The following ARFGAP2 variants were observed in gnomAD, a reference collection of about 807,000 sequenced individuals.
ARFGAP2 encodes ARF GTPase activating protein 2.
ARFGAP2 carries 45 observed loss-of-function variants against 71.9 expected under a neutral mutation model. That is an observed-to-expected ratio of 0.63 (90% CI 0.49 to 0.80). The LOEUF is 0.80. Ranked by LOEUF, ARFGAP2 falls within the 30% of genes least tolerant of loss-of-function variation. The pLI is 0.00. For missense variants in ARFGAP2, 633 were observed against 673.9 expected (o/e 0.94, Z 0.67); for synonymous variants, 248 against 249.2 (o/e 1.00, Z 0.05).
In ARFGAP2 at chr11:47,168,218, C is replaced by T. The variant is rs777346898; in HGVS notation, c.975G>A (p.Gln325=). The change falls in exon 11 of 16, where the codon CAG becomes CAA. Residue 325 remains glutamine (Q), a synonymous_variant. Coordinates refer to ENST00000524782, the MANE Select transcript of ARFGAP2 (RefSeq NM_032389.6). ...SVSHSVLSEM[Q]VIEQETPVSA... ...TCACTGGGGTTTCCTGCTCAATCAC[C>T]TGCATCTCAGACAGCACGGAGTGGG... 1 of 1,614,248 alleles carries T rather than the reference C, an allele frequency of 6.2e-7. No individual in the cohort carries two copies. Among genetic ancestry groups the T allele is most frequent in the African/African-American group, 1.3e-5 (1 of 75,064 alleles).
At chr11:47,172,642 A>G (rs1952649406) in intron 7 of ARFGAP2, 3 of 1,328,086 alleles carry the variant, frequency 2.3e-6, no homozygotes, top group Non-Finnish European at 3.0e-6. Context: ...TATGGTGAGC[A>G]CCAGGCTCCG....
chr11:47,170,864 T>C (rs1247773144), intron 10 of ARFGAP2, among the ~76,000 whole-genome samples: 1 of 152,108 alleles, frequency 6.6e-6, no homozygotes, highest in East Asian at 1.9e-4. Context: ...AAGGATCACC[T>C]GAGCCCAGGA....
intron 5 of ARFGAP2, 102 bp downstream of exon 5, chr11:47,174,913 A>G: frequency 1.5e-6 from 2 of 1,299,628 alleles, no homozygotes; most frequent in East Asian, 2.3e-5. Context: ...AAGACATCAC[A>G]TCAAAGCAAA....
At chr11:47,172,861 G>T in intron 7 of ARFGAP2, 1 of 1,028,680 alleles carries the variant, frequency 9.7e-7, no homozygotes, top group Non-Finnish European at 1.3e-6. Flanking sequence ...AGCTATGCCA[G>T]CCTTCTCATG....
intron 10 of ARFGAP2, among the ~76,000 whole-genome samples, chr11:47,171,017 G>A (rs1211878041): frequency 6.6e-6 from 1 of 152,082 alleles, no homozygotes; most frequent in Non-Finnish European, 1.5e-5. Flanking sequence ...CAAACTGAGG[G>A]CATTTGAAAT....
Position 47,173,791 on chromosome 11 carries a change from G to T in ARFGAP2, c.530C>A (p.Pro177Gln), listed in dbSNP as rs767150482. 8 of 1,605,594 alleles carry T rather than the reference G, an allele frequency of 5.0e-6. No homozygotes were observed. In the African/African-American group the frequency reaches 9.4e-5, roughly 19 times the overall value. Residue 177 changes from proline to glutamine, a missense_variant, in exon 6 of 16, where the codon CCA (proline) becomes CAA (glutamine). Transcript: ENST00000524782. ...GCCACTGCTCTCTGTAGACGGGGCT[G>T]GCTGCTGGGTCCCTGAAGGCTCAGT... The part of the protein sequence containing the change: ...PATEPSGTQQ[P>Q]APSTESSGLA...
intron 7 of ARFGAP2, chr11:47,172,579 C>T: frequency 8.5e-7 from 1 of 1,179,026 alleles, no homozygotes; most frequent in East Asian, 3.1e-5. Context: ...GTCCGAAGCA[C>T]CAGAGACGTC....
At chr11:47,174,316 AG>A (rs1952710928) in intron 5 of ARFGAP2, 1 of 160,262 alleles carries the variant, frequency 6.2e-6, no homozygotes, top group Non-Finnish European at 1.4e-5. Flanking sequence ...CCCTCCTCAA[AG>A]GGGTGGGGCG....
intron 8 of ARFGAP2, 46 bp downstream of exon 8, chr11:47,172,235 G>T: frequency 6.3e-7 from 1 of 1,591,362 alleles, no homozygotes; most frequent in Non-Finnish European, 8.6e-7. Context: ...CAGGTAGCCT[G>T]CACCCAGCTC....
At chr11:47,171,864 A>G in intron 8 of ARFGAP2, 64 bp from the exon 9 acceptor site, 1 of 1,589,702 alleles carries the variant, frequency 6.3e-7, no homozygotes, top group East Asian at 2.2e-5. Flanking sequence ...TCCCAGGTTC[A>G]GGCACTGTAG....
intron 8 of ARFGAP2, 192 bp from the exon 9 acceptor site, chr11:47,171,992 C>A: frequency 1.1e-6 from 1 of 886,518 alleles, no homozygotes; most frequent in Non-Finnish European, 1.7e-6. Context: ...CACACAGCCC[C>A]AGCAGAGCCC....
Position 47,176,652 on chromosome 11 carries a change from T to C in ARFGAP2, c.73-18A>G. The C allele has an allele frequency of 6.2e-7, 1 of 1,613,764 alleles. No individual in the cohort carries two copies. The highest frequency in any genetic ancestry group is 1.3e-5 in the African/African-American group (1 of 75,046). ...AAACAGGCCTGGGTGGAGGCGGCGA[T>C]GAGCGAATCGTCAGGGGCCCCGAGT... On this transcript the variant is annotated intron_variant, in intron 1 of 15. Coordinates refer to ENST00000524782, the MANE Select transcript of ARFGAP2 (RefSeq NM_032389.6).
rs781040659 is a variant in ARFGAP2 at position 47,173,397 on chromosome 11, AC to A, written c.619+28del. ...ATTTGAGGTCCACCCTCTCCCAGAC[AC>A]CCCACGCCTGCCCGCTGGCATACTG... On this transcript the variant is annotated intron_variant, in intron 7 of 15. Coordinates refer to ENST00000524782, the MANE Select transcript of ARFGAP2 (RefSeq NM_032389.6). The A allele has an allele frequency of 2.6e-6, 4 of 1,551,672 alleles. No individual in the cohort carries two copies. In the South Asian group the frequency reaches 4.8e-5, roughly 18 times the overall value.
intron 15 of ARFGAP2, among the ~76,000 whole-genome samples, chr11:47,165,925 T>G (rs1214841946): frequency 6.6e-6 from 1 of 151,838 alleles, no homozygotes; most frequent in African/African-American, 2.4e-5. Flanking sequence ...CAGACTGGAG[T>G]GCAGTGGCAT....
Position 47,171,959 on chromosome 11 carries a change from G to A in ARFGAP2, c.673-159C>T, listed in dbSNP as rs191616354. 148 of 1,136,304 alleles carry A rather than the reference G, an allele frequency of 1.3e-4. No homozygotes were observed. The African/African-American group carries it at 2.1e-3, about 16-fold the overall frequency. 70.4% of individuals were successfully genotyped at this position (1,136,304 alleles called of 1,614,324 possible). ...AGCATGGCCAAGACAATAGTGCTCC[G>A]CTGGAGCTGGGCATGGGCGGCTCAC... On this transcript the variant is annotated intron_variant, in intron 8 of 15. Transcript: ENST00000524782.
At chr11:47,173,317 C>T (rs1174881103) in intron 7 of ARFGAP2, 109 bp downstream of exon 7, 1 of 1,249,726 alleles carries the variant, frequency 8.0e-7, no homozygotes, top group Non-Finnish European at 1.1e-6. Flanking sequence ...GATAGATGCT[C>T]AGTCTCCTGT....
intron 5 of ARFGAP2, chr11:47,174,726 G>A: frequency 2.8e-6 from 1 of 351,422 alleles, no homozygotes; most frequent in Non-Finnish European, 5.3e-6. Flanking sequence ...GAAGAATCCA[G>A]GAAAATTTGT....
intron 7 of ARFGAP2, 160 bp downstream of exon 7, chr11:47,173,266 G>A: frequency 1.2e-6 from 1 of 857,456 alleles, no homozygotes; most frequent in Non-Finnish European, 1.9e-6. Flanking sequence ...AATCAGTGTT[G>A]CATCCACTAT....
chr11:47,165,323 C>T lies in ARFGAP2; in HGVS notation c.*159G>A. On this transcript the variant is annotated 3_prime_UTR_variant, in exon 16 of 16. Transcript: ENST00000524782. ...GACAAGGGCTGGTACTGACCATTCC[C>T]CTCACAGGAGTGAGCGCCTCAAAGG... The T allele has an allele frequency of 2.4e-6, 2 of 826,466 alleles. No individual in the cohort carries two copies. The highest frequency in any genetic ancestry group is 2.2e-5 in the South Asian group (1 of 45,578). 51.2% of individuals were successfully genotyped at this position (826,466 alleles called of 1,614,324 possible). A position where few individuals can be genotyped will look rare whatever the true frequency, so the allele number is the denominator to read the frequency against.
Sources: gnomAD v4.1 joint callset for allele counts (sites outside exome capture counted in the v4.1 genomes callset) on GRCh38, gnomAD v4.1.1 for gene constraint, MANE v1.5 for transcripts, NCBI Gene and HGNC (gene_info 2026-07-23, HGNC 2026-07-21) for gene names.